The following FBXL13 variants were observed in gnomAD, a reference collection of about 807,000 sequenced individuals.
The protein encoded by FBXL13 is F-box and leucine-rich repeat protein 13.
Under a neutral mutation model 83.6 loss-of-function variants are expected in FBXL13, and 67 were observed. That is an observed-to-expected ratio of 0.80 (90% CI 0.66 to 0.98). The LOEUF (loss-of-function observed/expected upper bound fraction) is 0.98. Ranked by LOEUF, FBXL13 falls within the 50% of genes least tolerant of loss-of-function variation. FBXL13 has a pLI of 0.00. For missense variants in FBXL13, 822 were observed against 866.5 expected, an observed-to-expected ratio of 0.95 and a Z score of 0.64; for synonymous variants, 272 against 299.5, an observed-to-expected ratio of 0.91 and a Z score of 0.95.
intron 2 of FBXL13, among the ~76,000 whole-genome samples, chr7:103,045,870 A>T (rs2129493936): frequency 6.6e-6 from 1 of 152,334 alleles, no homozygotes; most frequent in South Asian, 2.1e-4. Context: ...TTGGGTTTCC[A>T]GTCTCACCAC....
rs190727500 is a variant in FBXL13 at position 102,924,867 on chromosome 7, G to A, written c.878+1407C>T. On this transcript the variant is annotated intron_variant, in intron 10 of 19. Coordinates refer to ENST00000313221, the Ensembl canonical transcript of FBXL13. ...CATGGTCTCAATCTCCTGACCTCATGATCCACCCGCCCCGGCCTCCCAAAG... is the reference window on the plus strand; with the variant it reads ...CATGGTCTCAATCTCCTGACCTCATAATCCACCCGCCCCGGCCTCCCAAAG... Among the ~76,000 whole-genome samples, 565 of 151,962 alleles carry A rather than the reference G, an allele frequency of 3.7e-3. 5 individuals are homozygous for A. The highest frequency in any genetic ancestry group is 0.013 in the African/African-American group (558 of 41,486).
chr7:102,895,764 C>A (rs796812440), intron 11 of FBXL13, among the ~76,000 whole-genome samples: 1 of 152,190 alleles, frequency 6.6e-6, no homozygotes, highest in South Asian at 2.1e-4. Context: ...TCCCAATTGG[C>A]ACTTTCTCAT....
exon 12 of FBXL13, chr7:102,884,227 T>A (rs772609097): frequency 1.9e-6 from 3 of 1,613,056 alleles, no homozygotes; most frequent in Non-Finnish European, 1.7e-6. Context: ...TACACAGTTG[T>A]CCGTCAGAGT....
At chr7:102,944,751 GTGA>G in intron 8 of FBXL13, 4 of 720,862 alleles carry the variant, frequency 5.5e-6, no homozygotes, top group South Asian at 2.0e-5. Context: ...AAGTATTATT[GTGA>G]CTATTATAGT....
intron 8 of FBXL13, among the ~76,000 whole-genome samples, chr7:102,955,938 G>A (rs952051940): frequency 2.6e-5 from 4 of 152,078 alleles, no homozygotes; most frequent in African/African-American, 4.8e-5. Flanking sequence ...ATTCACAGCC[G>A]AATTCTACCA....
At chr7:103,027,536 C>T in exon 5 of FBXL13, 1 of 1,611,846 alleles carries the variant, frequency 6.2e-7, no homozygotes, top group Admixed American at 1.7e-5. Flanking sequence ...AATAGATGAT[C>T]TGTTGTATCC....
intron 6 of FBXL13, among the ~76,000 whole-genome samples, chr7:102,985,584 A>G (rs1321864615): frequency 2.0e-5 from 3 of 152,232 alleles, no homozygotes; most frequent in African/African-American, 7.2e-5. Context: ...AAATCAGTGA[A>G]TTCCATAGAG....
At chr7:103,040,540 C>T (rs573366587) in intron 2 of FBXL13, among the ~76,000 whole-genome samples, 91 of 152,250 alleles carry the variant, frequency 6.0e-4, no homozygotes, top group African/African-American at 2.0e-3. Flanking sequence ...AGCATCACGT[C>T]GCACTTATTC....
At chr7:103,060,914 C>T (rs1047079209) in intron 1 of FBXL13, among the ~76,000 whole-genome samples, 6 of 152,144 alleles carry the variant, frequency 3.9e-5, no homozygotes, top group Non-Finnish European at 8.8e-5. Context: ...ATTGCCATCC[C>T]CCTGTGGGAC....
chr7:103,045,525 T>C (rs921295073), intron 2 of FBXL13, among the ~76,000 whole-genome samples: 1 of 152,132 alleles, frequency 6.6e-6, no homozygotes, highest in Non-Finnish European at 1.5e-5. Context: ...GAACATTGAG[T>C]TTTGCAAAGG....
chr7:102,823,817 T>C (rs1266690486), intron 18 of FBXL13, among the ~76,000 whole-genome samples: 1 of 152,220 alleles, frequency 6.6e-6, no homozygotes, highest in Non-Finnish European at 1.5e-5. Flanking sequence ...AAAGAGACGT[T>C]GCCATTGTCT....
chr7:102,948,365 G>A (rs1474878656), intron 8 of FBXL13, among the ~76,000 whole-genome samples: 1 of 151,946 alleles, frequency 6.6e-6, no homozygotes, highest in Non-Finnish European at 1.5e-5. Context: ...GGCCAGTAAT[G>A]AGGATCTACT....
intron 6 of FBXL13, chr7:102,988,118 TATCCTAAAGGA>T (rs1265375294): frequency 6.6e-6 from 1 of 152,234 alleles, no homozygotes; most frequent in Non-Finnish European, 1.5e-5. Context: ...GGGGATATGT[TATCCTAAAGGA>T]ATCCTAAAAG....
At chr7:102,949,728 A>T (rs993893446) in intron 8 of FBXL13, among the ~76,000 whole-genome samples, 1 of 152,232 alleles carries the variant, frequency 6.6e-6, no homozygotes, top group Non-Finnish European at 1.5e-5. Flanking sequence ...AAATATTAAA[A>T]ATTTAAAGAA....
intron 6 of FBXL13, among the ~76,000 whole-genome samples, chr7:103,009,285 G>A (rs1300340517): frequency 6.6e-6 from 1 of 152,096 alleles, no homozygotes; most frequent in Non-Finnish European, 1.5e-5. Flanking sequence ...AAGGGCTAGT[G>A]AACACTGACC....
rs1250464023 is a variant in FBXL13 at position 102,822,305 on chromosome 7, G to A, written c.1855-102C>T. 8 of 1,105,272 alleles carry A rather than the reference G, an allele frequency of 7.2e-6. No individual in the cohort carries two copies. The African/African-American group carries it at 1.2e-4, about 17-fold the overall frequency. The allele number at this position is 1,105,272 out of a possible 1,614,324, so 68.5% of individuals were successfully genotyped here. ...CAACTATAATAAACTACCACAGACT[G>A]TGGCTTAAACATCAAACATTTATTT... On this transcript the variant is annotated intron_variant, in intron 18 of 19. Transcript: ENST00000313221.
chr7:102,866,039 T>C (rs141910675), intron 16 of FBXL13, among the ~76,000 whole-genome samples: 1 of 152,300 alleles, frequency 6.6e-6, no homozygotes, highest in Non-Finnish European at 1.5e-5. Flanking sequence ...TTAAAATGTA[T>C]CAACCTCTCT....
chr7:103,020,280 C>T (rs960375285), intron 6 of FBXL13, among the ~76,000 whole-genome samples: 6 of 152,176 alleles, frequency 3.9e-5, no homozygotes, highest in South Asian at 2.1e-4. Context: ...AACAACCCTT[C>T]GTGCTAAAAA....
At chr7:102,912,655 T>C (rs1814909273) in intron 11 of FBXL13, among the ~76,000 whole-genome samples, 1 of 145,268 alleles carries the variant, frequency 6.9e-6, no homozygotes, top group Non-Finnish European at 1.5e-5. Flanking sequence ...TTCCTATTTA[T>C]CACTTATAGC....
Sources: allele counts gnomAD v4.1 joint callset (sites outside exome capture counted in the v4.1 genomes callset), GRCh38; gene constraint gnomAD v4.1.1; transcripts MANE v1.5; gene names NCBI Gene and HGNC (gene_info 2026-07-23, HGNC 2026-07-21).